The following PIK3C2G variants were observed in gnomAD, a reference collection of about 807,000 sequenced individuals.
The protein encoded by PIK3C2G is phosphatidylinositol-4-phosphate 3-kinase catalytic subunit type 2 gamma, also known as phosphatidylinositol 3-kinase C2 domain-containing subunit gamma.
PIK3C2G carries 168 observed loss-of-function variants against 181.1 expected under a neutral mutation model. The observed-to-expected ratio is 0.93, with a 90% CI of 0.82 to 1.05. PIK3C2G has a LOEUF of 1.05. Among genes scored for constraint, PIK3C2G ranks in the 50% least tolerant of loss-of-function variants. The probability of loss-of-function intolerance (pLI) is 0.00; values close to 1 mark genes in which losing one functional copy is unlikely to be tolerated. For missense variants in PIK3C2G, 1,869 were observed against 1,732.8 expected, an observed-to-expected ratio of 1.08 and a Z score of -1.40; for synonymous variants, 573 against 592.2, an observed-to-expected ratio of 0.97 and a Z score of 0.47.
chr12:18,381,640 AG>A (rs1315521539), intron 13 of PIK3C2G, 125 bp from the exon 14 acceptor site: 1 of 583,954 alleles, frequency 1.7e-6, no homozygotes, highest in Admixed American at 2.7e-5. Context: ...TTTCTTTTCT[AG>A]CAACTGAATA....
chr12:18,645,387 A>T (rs868790895), intron 32 of PIK3C2G, among the ~76,000 whole-genome samples: 5 of 152,350 alleles, frequency 3.3e-5, no homozygotes, highest in South Asian at 4.1e-4. Flanking sequence ...ATAAAACTTC[A>T]GTCACTTTTA....
chr12:18,597,625 A>T (rs1419269430), intron 30 of PIK3C2G, among the ~76,000 whole-genome samples: 1 of 152,134 alleles, frequency 6.6e-6, no homozygotes, highest in Non-Finnish European at 1.5e-5. Context: ...CCTATTCAAC[A>T]TAGTGTTGGA....
intron 18 of PIK3C2G, among the ~76,000 whole-genome samples, chr12:18,455,918 ACTGT>A (rs1947601441): frequency 6.6e-6 from 1 of 152,076 alleles, no homozygotes; most frequent in African/African-American, 2.4e-5. Flanking sequence ...AAAAAAATAG[ACTGT>A]CTGCCTCCAC....
chr12:18,276,644 A>C lies in PIK3C2G; in HGVS notation c.-78-5360A>C, dbSNP rs143023456. Among the ~76,000 whole-genome samples, 3 of 152,308 alleles carry C rather than the reference A, an allele frequency of 2.0e-5. No individual in the cohort carries two copies. The East Asian group carries it at 5.8e-4, about 29-fold the overall frequency. The stretch of plus-strand genomic sequence containing the variant: ...AATGGAGCCTGTGTGTATTAAAGTT[A>C]TTCCTATATTGTACTGTAATATAAA... On this transcript the variant is annotated intron_variant, in intron 1 of 32. Coordinates refer to ENST00000538779, the MANE Select transcript of PIK3C2G (RefSeq NM_001288772.2).
intron 5 of PIK3C2G, among the ~76,000 whole-genome samples, chr12:18,303,325 TTCTCTCTC>T (rs199849468): frequency 6.9e-6 from 1 of 145,888 alleles, no homozygotes; most frequent in Non-Finnish European, 1.5e-5. Context: ...CTTTCTCTCT[TTCTCTCTC>T]TCTCTTTCTT....
rs371412006 is a variant in PIK3C2G, at chr12:18,505,362, G to A, written c.3224G>A (p.Arg1075His). ...ACATTCATCCTGGGAGTATGTGACC[G>A]TCACAATGATAATATCATGCTGACA... ...VVTFILGVCD[R>H]HNDNIMLTKS... Residue 1075 changes from arginine (R) to histidine (H), a missense_variant, in exon 24 of 33, where the codon CGT (arginine) becomes CAT (histidine). Physicochemically the swap from Arg to His is conservative, Grantham distance 29. Coordinates refer to ENST00000538779, the MANE Select transcript of PIK3C2G (RefSeq NM_001288772.2). 286 of 1,612,806 alleles carry A rather than the reference G, an allele frequency of 1.8e-4. 2 individuals are homozygous for A. Among genetic ancestry groups the A allele is most frequent in the South Asian group, 1.8e-3 (161 of 90,810 alleles).
intron 7 of PIK3C2G, among the ~76,000 whole-genome samples, chr12:18,321,630 T>A (rs1480205342): frequency 6.6e-6 from 1 of 152,064 alleles, no homozygotes; most frequent in African/African-American, 2.4e-5. Flanking sequence ...GAGGTACAGG[T>A]CATAAATCTC....
At chr12:18,481,830 G>A (rs1187883272) in intron 18 of PIK3C2G, among the ~76,000 whole-genome samples, 1 of 152,010 alleles carries the variant, frequency 6.6e-6, no homozygotes, top group Non-Finnish European at 1.5e-5. Flanking sequence ...CCCAGAATAA[G>A]ATCCCCCTTA....
intron 32 of PIK3C2G, among the ~76,000 whole-genome samples, chr12:18,641,466 C>G (rs1017293113): frequency 3.3e-5 from 5 of 152,134 alleles, no homozygotes; most frequent in African/African-American, 1.2e-4. Context: ...CTCCGTTTTG[C>G]TTTTTGAGTT....
chr12:18,524,496 T>G (rs1053411340), intron 24 of PIK3C2G, among the ~76,000 whole-genome samples: 2 of 152,154 alleles, frequency 1.3e-5, no homozygotes, highest in Non-Finnish European at 2.9e-5. Flanking sequence ...ATGTGTTATT[T>G]TAATCCTGTA....
rs1945907056 is a variant in PIK3C2G at position 18,570,996 on chromosome 12, C to T, written c.4011+3939C>T. Among the ~76,000 whole-genome samples, 3 of 150,720 alleles carry T rather than the reference C, an allele frequency of 2.0e-5. 1 individual carries two copies. The highest frequency in any genetic ancestry group is 7.4e-5 in the African/African-American group (3 of 40,280). On this transcript the variant is annotated intron_variant, in intron 29 of 32. Transcript: ENST00000538779. ...ATGGCTGCTTAACTTTACTTTCAAC[C>T]TATCTAACTTACACATTTAAAATTC...
At chr12:18,297,018 T>C (rs1366473055) in intron 5 of PIK3C2G, among the ~76,000 whole-genome samples, 1 of 152,124 alleles carries the variant, frequency 6.6e-6, no homozygotes, top group Admixed American at 6.6e-5. Flanking sequence ...CCATTTTCCA[T>C]GCTCTTGTCC....
chr12:18,509,640 G>T (rs1004419431), intron 24 of PIK3C2G, among the ~76,000 whole-genome samples: 7 of 152,164 alleles, frequency 4.6e-5, no homozygotes, highest in Non-Finnish European at 1.0e-4. Context: ...TCTGAATTCA[G>T]TTCTCCAGGA....
At chr12:18,653,241 A>C (rs1284479043), downstream of PIK3C2G, among the ~76,000 whole-genome samples, 3 of 152,164 alleles carry the variant, frequency 2.0e-5, no homozygotes, top group African/African-American at 7.2e-5. Context: ...TGGATTATTG[A>C]GAAGCCATCA....
chr12:18,273,268 C>T (rs111606509), intron 1 of PIK3C2G, among the ~76,000 whole-genome samples: 3,014 of 152,190 alleles, frequency 0.02, 94 homozygotes, highest in African/African-American at 0.068. Context: ...GGTTTGTCAA[C>T]GATCACATAG....
At chr12:18,657,458 GA>G in the PIK3C2G span, among the ~76,000 whole-genome samples, 37,841 of 151,978 alleles carry the variant, frequency 0.25, 5,011 homozygotes, top group African/African-American at 0.31. Context: ...CTTACAAGCT[GA>G]AGTGTTGAAG....
At chr12:18,478,139 A>G (rs1317556089) in intron 18 of PIK3C2G, among the ~76,000 whole-genome samples, 1 of 152,186 alleles carries the variant, frequency 6.6e-6, no homozygotes, top group Non-Finnish European at 1.5e-5. Flanking sequence ...TTTTAAAAAA[A>G]GGACTGAGCT....
At chr12:18,673,715 G>C in the PIK3C2G span, among the ~76,000 whole-genome samples, 1 of 152,134 alleles carries the variant, frequency 6.6e-6, no homozygotes, top group East Asian at 1.9e-4. Context: ...GCTACAAAGG[G>C]TCTGCAGTCT....
intron 10 of PIK3C2G, among the ~76,000 whole-genome samples, chr12:18,346,235 ATGAT>A (rs1939658324): frequency 1.3e-5 from 2 of 152,214 alleles, no homozygotes; most frequent in South Asian, 4.1e-4. Context: ...CAAATTTATT[ATGAT>A]TAATTCTTTA....
Sources: allele counts gnomAD v4.1 joint callset (sites outside exome capture counted in the v4.1 genomes callset), GRCh38; gene constraint gnomAD v4.1.1; transcripts MANE v1.5; gene names NCBI Gene and HGNC (gene_info 2026-07-23, HGNC 2026-07-21).